Variants in SAMD12 observed in about 807,000 individuals in gnomAD.
SAMD12 encodes the protein sterile alpha motif domain-containing protein 12.
SAMD12 carries 9 observed loss-of-function variants against 15.0 expected under a neutral mutation model. The ratio of observed to expected loss-of-function variants is 0.60; its 90% CI spans 0.36 to 1.05. SAMD12 has a LOEUF of 1.05. SAMD12 is among the 50% of genes least tolerant of loss of function. The probability of loss-of-function intolerance (pLI) is 0.01; values close to 1 mark genes in which losing one functional copy is unlikely to be tolerated. For synonymous variants in SAMD12, 86 were observed against 90.1 expected (o/e 0.96, Z 0.25); for missense variants, 230 against 234.2 (o/e 0.98, Z 0.12).
chr8:118,152,721 A>G, the SAMD12 span, among the ~76,000 whole-genome samples: 1 of 151,556 alleles, frequency 6.6e-6, no homozygotes, highest in African/African-American at 2.4e-5. Flanking sequence ...CTGGTCTTGA[A>G]CTCCTGGGCT....
intron 2 of SAMD12, among the ~76,000 whole-genome samples, chr8:118,469,901 G>T (rs886484056): frequency 3.3e-5 from 5 of 152,082 alleles, no homozygotes; most frequent in Middle Eastern, 3.4e-3. Flanking sequence ...AACATTAATT[G>T]CAATGAAATT....
intron 4 of SAMD12, among the ~76,000 whole-genome samples, chr8:118,305,144 C>G (rs1383024502): frequency 2.0e-5 from 1 of 48,840 alleles, no homozygotes; most frequent in Non-Finnish European, 3.7e-5. Context: ...GACTCCCTGT[C>G]AAAAAAAAAA....
At position 118,404,154 on chromosome 8, in the gene SAMD12, T is replaced by C. The variant is rs978264704; in HGVS notation, c.323-24454A>G. 3.0e-4 allele frequency among the ~76,000 whole-genome samples: 46 copies of C among 152,180 alleles called. 1 individual carries two copies. Among genetic ancestry groups the C allele is most frequent in the Non-Finnish European group, 4.4e-5 (3 of 68,038 alleles). The stretch of plus-strand genomic sequence containing the variant: ...TGTGCCACAATGCCCAGCTAAGTTT[T>C]AAAACTTTTTGTAGAGATGCAGTCT... On this transcript the variant is annotated intron_variant, in intron 3 of 3. Coordinates refer to ENST00000314727, the MANE Select transcript of SAMD12 (RefSeq NM_207506.3).
chr8:118,185,976 G>T (rs1819236666), downstream of SAMD12, among the ~76,000 whole-genome samples: 2 of 152,136 alleles, frequency 1.3e-5, no homozygotes, highest in Admixed American at 1.3e-4. Context: ...GCACTGGTTG[G>T]TCTAGAACAG....
chr8:118,138,341 T>C, the SAMD12 span, among the ~76,000 whole-genome samples: 2 of 152,204 alleles, frequency 1.3e-5, no homozygotes, highest in Non-Finnish European at 2.9e-5. Context: ...AATTCATATG[T>C]TTAAATCTTT....
intron 3 of SAMD12, among the ~76,000 whole-genome samples, chr8:118,437,068 T>TTG (rs1391645358): frequency 2.1e-4 from 32 of 152,298 alleles, no homozygotes; most frequent in Middle Eastern, 3.4e-3. Flanking sequence ...GTTTGCTCTG[T>TTG]CATCACATCT....
At chr8:118,453,655 G>C (rs987749170) in intron 2 of SAMD12, among the ~76,000 whole-genome samples, 1 of 151,810 alleles carries the variant, frequency 6.6e-6, no homozygotes, top group African/African-American at 2.4e-5. Context: ...CAAGCAACTG[G>C]GACTACAGGT....
At chr8:118,364,591 C>T (rs569878194) in intron 4 of SAMD12, among the ~76,000 whole-genome samples, 17 of 152,272 alleles carry the variant, frequency 1.1e-4, no homozygotes, top group Non-Finnish European at 2.1e-4. Context: ...CAGACCCTCA[C>T]GCTTTCACAT....
Position 118,394,913 on chromosome 8 carries a change from G to A in SAMD12, c.323-15213C>T, listed in dbSNP as rs1820477498. ...GGGCACTGGCTGGCTCTCAAAGATG[G>A]ACAAATGGCTTTACGACGCTTAAGG... On this transcript the variant is annotated intron_variant, in intron 3 of 3. Transcript: ENST00000314727. 2.0e-5 allele frequency: 3 copies of A among 152,222 alleles called. No individual in the cohort carries two copies. In the South Asian group the frequency reaches 6.2e-4, roughly 32 times the overall value. The allele number at this position is 152,222 out of a possible 1,614,324, so 9.4% of individuals were successfully genotyped here.
At chr8:118,550,144 C>T (rs1455192680) in intron 2 of SAMD12, among the ~76,000 whole-genome samples, 1 of 152,180 alleles carries the variant, frequency 6.6e-6, no homozygotes, top group Admixed American at 6.5e-5. Flanking sequence ...CCCAGCAAGG[C>T]AGGCCAACAT....
Position 118,378,850 on chromosome 8 carries a change from A to G in SAMD12, c.*567T>C, listed in dbSNP as rs1382807809. 97 of 984,786 alleles carry G rather than the reference A, an allele frequency of 9.8e-5. No homozygotes were observed. Among genetic ancestry groups the G allele is most frequent in the Non-Finnish European group, 1.1e-4 (92 of 829,412 alleles). The allele number at this position is 984,786 out of a possible 1,614,324, so 61.0% of individuals were successfully genotyped here. On this transcript the variant is annotated 3_prime_UTR_variant, in exon 4 of 4. Transcript: ENST00000314727. ...TCTAGCTTTATTTTGTCACTTCCACAGTTATTGAGATCTTAAGTGCTCTCA... is the reference window on the plus strand; with the variant it reads ...TCTAGCTTTATTTTGTCACTTCCACGGTTATTGAGATCTTAAGTGCTCTCA...
At chr8:118,184,459 T>A (rs1819208754), downstream of SAMD12, among the ~76,000 whole-genome samples, 1 of 151,448 alleles carries the variant, frequency 6.6e-6, no homozygotes, top group East Asian at 1.9e-4. Context: ...TATTTAAGAG[T>A]TAGGCAGAAG....
intron 4 of SAMD12, among the ~76,000 whole-genome samples, chr8:118,339,741 C>T (rs754936261): frequency 1.6e-4 from 25 of 152,210 alleles, no homozygotes; most frequent in Non-Finnish European, 3.7e-4. Flanking sequence ...TCTTTCTCCT[C>T]CCTATGCACT....
intron 1 of SAMD12, among the ~76,000 whole-genome samples, chr8:118,619,225 C>A (rs1279391538): frequency 6.6e-6 from 1 of 152,068 alleles, no homozygotes; most frequent in Non-Finnish European, 1.5e-5. Context: ...AGACAAAAGA[C>A]TGAAGAGAAG....
intron 3 of SAMD12, among the ~76,000 whole-genome samples, chr8:118,438,384 T>G (rs7817162): frequency 0.045 from 6,789 of 151,154 alleles, 356 homozygotes; most frequent in African/African-American, 0.13. Flanking sequence ...CTCAGCATTT[T>G]TTTTAAAACA....
At chr8:118,188,840 G>A (rs143121011), downstream of SAMD12, among the ~76,000 whole-genome samples, 35 of 152,166 alleles carry the variant, frequency 2.3e-4, no homozygotes, top group East Asian at 5.2e-3. Flanking sequence ...AGGGTATTGC[G>A]GATGTTTGCC....
At chr8:118,389,573 G>C (rs1322566869) in intron 3 of SAMD12, among the ~76,000 whole-genome samples, 1 of 152,112 alleles carries the variant, frequency 6.6e-6, no homozygotes, top group East Asian at 1.9e-4. Flanking sequence ...AAATTAGCCA[G>C]GCATGGTGGT....
intron 4 of SAMD12, among the ~76,000 whole-genome samples, chr8:118,344,228 G>A (rs1817515284): frequency 1.3e-5 from 2 of 152,158 alleles, no homozygotes; most frequent in Admixed American, 6.5e-5. Context: ...TTGAACTAAT[G>A]TGGGAAGGTT....
chr8:118,561,322 C>G (rs899614844), intron 2 of SAMD12, among the ~76,000 whole-genome samples: 1 of 152,120 alleles, frequency 6.6e-6, no homozygotes, highest in Non-Finnish European at 1.5e-5. Flanking sequence ...CTGCATTGAT[C>G]TTCTGTACAG....
Sources: gnomAD v4.1 joint callset for allele counts (sites outside exome capture counted in the v4.1 genomes callset) on GRCh38, gnomAD v4.1.1 for gene constraint, MANE v1.5 for transcripts, NCBI Gene and HGNC (gene_info 2026-07-23, HGNC 2026-07-21) for gene names.